Variants in COL23A1 observed in about 807,000 individuals in gnomAD.
The protein encoded by COL23A1 is collagen type XXIII alpha 1 chain, also known as collagen alpha-1(XXIII) chain.
COL23A1 carries 97 observed loss-of-function variants against 99.3 expected under a neutral mutation model. The ratio of observed to expected loss-of-function variants is 0.98; its 90% CI spans 0.83 to 1.16. COL23A1 has a LOEUF of 1.16. Among genes scored for constraint, COL23A1 ranks in the 50% most tolerant of loss-of-function variants. COL23A1 has a pLI of 0.00. For synonymous variants in COL23A1, 320 were observed against 308.2 expected (o/e 1.04, Z -0.40); for missense variants, 762 against 757.4 (o/e 1.01, Z -0.07).
chr5:178,355,936 G>A (rs1409978824), intron 2 of COL23A1, among the ~76,000 whole-genome samples: 2 of 152,194 alleles, frequency 1.3e-5, no homozygotes, highest in Non-Finnish European at 2.9e-5. Context: ...TGAATGTTGA[G>A]TGAGCAAATA....
chr5:178,257,986 G>T (rs1180970796), intron 12 of COL23A1, among the ~76,000 whole-genome samples: 1 of 152,174 alleles, frequency 6.6e-6, no homozygotes, highest in African/African-American at 2.4e-5. Context: ...GACTGCTTGA[G>T]CCCAGGAGTT....
chr5:178,556,100 C>T (rs1305008518), intron 2 of COL23A1, among the ~76,000 whole-genome samples: 4 of 152,196 alleles, frequency 2.6e-5, no homozygotes, highest in Admixed American at 1.3e-4. Context: ...ATGACCCAAA[C>T]GTCCTTGGCG....
chr5:178,479,018 T>C (rs1209019114), intron 2 of COL23A1, among the ~76,000 whole-genome samples: 1 of 151,984 alleles, frequency 6.6e-6, no homozygotes, highest in Non-Finnish European at 1.5e-5. Context: ...TCCTGGGCCA[T>C]GTGAGGCCCA....
At chr5:178,383,882 A>G (rs529874849) in intron 2 of COL23A1, among the ~76,000 whole-genome samples, 23 of 140,680 alleles carry the variant, frequency 1.6e-4, no homozygotes, top group Admixed American at 1.6e-3. Flanking sequence ...CAGAAATAGA[A>G]AAAAAAAAAA....
intron 2 of COL23A1, among the ~76,000 whole-genome samples, chr5:178,473,764 C>G (rs11746672): frequency 0.34 from 51,537 of 151,912 alleles, 10,549 homozygotes; most frequent in Admixed American, 0.46. Context: ...CCCAAAACCT[C>G]ACTGAGTGGG....
chr5:178,376,057 A>AG (rs1435071701), intron 2 of COL23A1, among the ~76,000 whole-genome samples: 4 of 152,054 alleles, frequency 2.6e-5, no homozygotes, highest in African/African-American at 9.7e-5. Context: ...TCTTCCTCCC[A>AG]GGGGGACCCC....
intron 2 of COL23A1, among the ~76,000 whole-genome samples, chr5:178,321,679 T>C (rs954547323): frequency 6.6e-6 from 1 of 151,038 alleles, no homozygotes; most frequent in Non-Finnish European, 1.5e-5. Context: ...TTAGTAGAGA[T>C]GGGGTTTCAC....
intron 2 of COL23A1, among the ~76,000 whole-genome samples, chr5:178,445,964 A>G (rs562696376): frequency 1.3e-5 from 2 of 152,272 alleles, no homozygotes; most frequent in East Asian, 3.9e-4. Context: ...CTGATGTAAA[A>G]GAGAAAAAAG....
intron 1 of COL23A1, among the ~76,000 whole-genome samples, chr5:178,578,083 A>G (rs1161832550): frequency 6.6e-6 from 1 of 151,410 alleles, no homozygotes; most frequent in African/African-American, 2.4e-5. Context: ...ACTCATGCAC[A>G]CACACATGCA....
chr5:178,238,838 T>A, intron 28 of COL23A1, 138 bp from the exon 29 acceptor site: 1 of 1,202,208 alleles, frequency 8.3e-7, no homozygotes, highest in Non-Finnish European at 1.2e-6. Context: ...AGTGGGCCAG[T>A]TGGGACAATA....
At chr5:178,242,532 T>C in intron 25 of COL23A1, 138 bp from the exon 26 acceptor site, 1 of 794,810 alleles carries the variant, frequency 1.3e-6, no homozygotes, top group Non-Finnish European at 2.1e-6. Context: ...GGCCTAGCCC[T>C]AGCTGTAGGT....
intron 2 of COL23A1, among the ~76,000 whole-genome samples, chr5:178,463,626 A>G (rs1025948429): frequency 3.3e-5 from 5 of 152,208 alleles, no homozygotes; most frequent in African/African-American, 1.2e-4. Flanking sequence ...GGGGAGAAGA[A>G]GTTGATGAAC....
intron 2 of COL23A1, among the ~76,000 whole-genome samples, chr5:178,323,942 G>A (rs1444112130): frequency 6.6e-6 from 1 of 152,160 alleles, no homozygotes; most frequent in East Asian, 1.9e-4. Flanking sequence ...GGCAGAGCTG[G>A]GATGAAAACC....
At chr5:178,524,717 G>A (rs1760211957) in intron 2 of COL23A1, among the ~76,000 whole-genome samples, 2 of 152,188 alleles carry the variant, frequency 1.3e-5, no homozygotes, top group Admixed American at 6.5e-5. Context: ...CCTGCTGCCT[G>A]CCTGACGCCT....
intron 2 of COL23A1, among the ~76,000 whole-genome samples, chr5:178,493,344 T>C (rs477861): frequency 0.027 from 4,162 of 152,298 alleles, 185 homozygotes; most frequent in African/African-American, 0.094. Context: ...CCAACTTGCC[T>C]TGCAAAGGAC....
chr5:178,528,937 C>A (rs568550937), intron 2 of COL23A1, among the ~76,000 whole-genome samples: 1 of 152,210 alleles, frequency 6.6e-6, no homozygotes, highest in South Asian at 2.1e-4. Flanking sequence ...TGCTTAGAGA[C>A]GGTGTATCAG....
intron 2 of COL23A1, among the ~76,000 whole-genome samples, chr5:178,559,772 G>C (rs650144): frequency 2.5e-4 from 26 of 102,754 alleles, no homozygotes; most frequent in African/African-American, 5.4e-4. Flanking sequence ...ACCCAAAAGA[G>C]ACCTTTCCCT....
At chr5:178,478,400 C>A (rs1011805238) in intron 2 of COL23A1, among the ~76,000 whole-genome samples, 1 of 152,204 alleles carries the variant, frequency 6.6e-6, no homozygotes, top group Non-Finnish European at 1.5e-5. Flanking sequence ...GAACTGGCCT[C>A]CAGACTCAAA....
intron 2 of COL23A1, among the ~76,000 whole-genome samples, chr5:178,530,930 C>T (rs560056840): frequency 3.3e-5 from 5 of 152,290 alleles, no homozygotes; most frequent in East Asian, 3.9e-4. Context: ...TACAGTGGTG[C>T]GATCTCAGCT....
Sources: allele counts gnomAD v4.1 joint callset (sites outside exome capture counted in the v4.1 genomes callset), GRCh38; gene constraint gnomAD v4.1.1; transcripts MANE v1.5; gene names NCBI Gene and HGNC (gene_info 2026-07-23, HGNC 2026-07-21).